The following KCTD1 variants were observed in gnomAD, a reference collection of about 807,000 sequenced individuals.
KCTD1 encodes potassium channel tetramerization domain containing 1.
In KCTD1, 24 loss-of-function variants were observed where a neutral mutation model predicts 66.0. That is an observed-to-expected ratio of 0.36 (90% CI 0.26 to 0.51). KCTD1 has a LOEUF of 0.51. KCTD1 is among the 20% of genes least tolerant of loss of function. The pLI, the probability that KCTD1 is intolerant of heterozygous loss-of-function variation, is 0.95. For missense variants in KCTD1, 943 were observed against 1,205.2 expected (o/e 0.78, Z 3.22); for synonymous variants, 511 against 517.2 (o/e 0.99, Z 0.16).
chr18:26,545,417 AG>A (rs765056540), intron 1 of KCTD1: 3 of 152,226 alleles, frequency 2.0e-5, no homozygotes, highest in Non-Finnish European at 2.9e-5. Flanking sequence ...TGTGTATTTT[AG>A]AGAACTTTGG....
chr18:26,472,694 T>G (rs8099561), intron 3 of KCTD1, among the ~76,000 whole-genome samples: 135,510 of 152,238 alleles, frequency 0.89, 60,800 homozygotes, highest in Non-Finnish European at 0.95. Context: ...CCGACGTTGG[T>G]GGCTCAGGTT....
chr18:26,469,324 C>T (rs1038381246), intron 3 of KCTD1, among the ~76,000 whole-genome samples: 29 of 152,148 alleles, frequency 1.9e-4, no homozygotes, highest in Non-Finnish European at 5.9e-5. Flanking sequence ...CTGTGCTAAT[C>T]CTAGGCAGGT....
intron 1 of KCTD1, among the ~76,000 whole-genome samples, chr18:26,626,350 T>G (rs1056379106): frequency 2.0e-5 from 3 of 151,626 alleles, no homozygotes; most frequent in African/African-American, 4.9e-5. Context: ...AATAAATAAA[T>G]AAGATAACTT....
chr18:26,502,927 T>C (rs1312124389), intron 1 of KCTD1, among the ~76,000 whole-genome samples: 1 of 152,226 alleles, frequency 6.6e-6, no homozygotes, highest in Non-Finnish European at 1.5e-5. Flanking sequence ...TTTTATGATC[T>C]GGAACAGCTT....
intron 1 of KCTD1, among the ~76,000 whole-genome samples, chr18:26,535,950 C>T (rs1460346636): frequency 1.4e-5 from 2 of 138,686 alleles, no homozygotes; most frequent in Non-Finnish European, 3.0e-5. Flanking sequence ...TTGCCTCCCC[C>T]ACAAGACTGA....
In KCTD1 at chr18:26,546,911, C is replaced by T. The variant is rs146197880; in HGVS notation, c.1626G>A (p.Gly542=). The change falls in exon 1 of 5, where the codon GGG becomes GGA. Residue 542 remains glycine, a synonymous_variant. Coordinates refer to ENST00000580059, the MANE Select transcript of KCTD1 (RefSeq NM_001142730.3). ...PKRALYESVF[G]SGEICGPTSP... is the part of the protein sequence containing the mutation. ...AAGTGGGGCCGCAGATTTCCCCCGA[C>T]CCGAACACAGACTCGTACAGGGCGC... 244 of 1,482,682 alleles carry T rather than the reference C, an allele frequency of 1.6e-4. 3 individuals carry two copies. In the East Asian group the frequency reaches 5.9e-3, roughly 36 times the overall value. 91.8% of individuals were successfully genotyped at this position (1,482,682 alleles called of 1,614,324 possible).
chr18:26,554,365 G>A (rs1422211424), intron 1 of KCTD1, among the ~76,000 whole-genome samples: 1 of 150,550 alleles, frequency 6.6e-6, no homozygotes, highest in Admixed American at 6.6e-5. Flanking sequence ...ATAGTACTTT[G>A]CCAAGGTCTT....
Position 26,637,472 on chromosome 18 carries a change from T to C in KCTD1, c.-107+2839A>G, listed in dbSNP as rs567321289. Among the ~76,000 whole-genome samples, 86 of 152,264 alleles carry C rather than the reference T, an allele frequency of 5.6e-4. 1 individual carries two copies. The highest frequency in any genetic ancestry group is 1.0e-3 in the Non-Finnish European group (69 of 68,012). ...TGGGTGTGTGGGCAGAAATGTGAAA[T>C]GTGTTAAGGCTTCTATTATGGGGTC... On this transcript the variant is annotated intron_variant, in intron 1 of 5. Transcript: ENST00000579973.
At chr18:26,513,400 A>G (rs1358693362) in intron 1 of KCTD1, among the ~76,000 whole-genome samples, 2 of 151,946 alleles carry the variant, frequency 1.3e-5, no homozygotes, top group African/African-American at 4.8e-5. Flanking sequence ...AGGGTGTATT[A>G]TTTTTAAATA....
chr18:26,507,071 C>T lies in KCTD1; in HGVS notation c.1810-5821G>A, dbSNP rs191648806. Among the ~76,000 whole-genome samples the T allele has an allele frequency of 4.1e-4, 62 of 152,232 alleles. 1 individual carries two copies. The East Asian group carries it at 0.01, about 25-fold the overall frequency. On this transcript the variant is annotated intron_variant, in intron 1 of 4. Coordinates refer to ENST00000580059, the MANE Select transcript of KCTD1 (RefSeq NM_001142730.3). ...ATCCCAGCTACTCGGGAGGCGGAGG[C>T]AGGAGAATCGCTTGAACCTGGGAGG...
intron 1 of KCTD1, among the ~76,000 whole-genome samples, chr18:26,514,522 C>T (rs964955084): frequency 1.4e-5 from 2 of 147,602 alleles, no homozygotes; most frequent in South Asian, 2.2e-4. Flanking sequence ...TGCATCCTAG[C>T]CCAGGCAACA....
At chr18:26,654,260 C>G (rs1005929783) in intron 1 of KCTD1, among the ~76,000 whole-genome samples, 1 of 152,084 alleles carries the variant, frequency 6.6e-6, no homozygotes, top group South Asian at 2.1e-4. Flanking sequence ...TAATTTGATG[C>G]CAAAAGGTCC....
intron 1 of KCTD1, among the ~76,000 whole-genome samples, chr18:26,521,068 A>G (rs1203632045): frequency 6.6e-6 from 1 of 152,206 alleles, no homozygotes. Context: ...ACCAGAAGGC[A>G]AAGCTGCTGG....
At chr18:26,568,006 A>G (rs1986022136) in intron 1 of KCTD1, among the ~76,000 whole-genome samples, 1 of 152,220 alleles carries the variant, frequency 6.6e-6, no homozygotes, top group Non-Finnish European at 1.5e-5. Context: ...AAACATTTGT[A>G]GGATTTTAAG....
At chr18:26,472,492 C>T (rs554707876) in intron 3 of KCTD1, among the ~76,000 whole-genome samples, 1 of 152,298 alleles carries the variant, frequency 6.6e-6, no homozygotes, top group South Asian at 2.1e-4. Context: ...AAAATTCATA[C>T]TAAAGCATAC....
chr18:26,582,757 G>A (rs1006359032), intron 1 of KCTD1, among the ~76,000 whole-genome samples: 2 of 151,538 alleles, frequency 1.3e-5, no homozygotes, highest in Non-Finnish European at 2.9e-5. Flanking sequence ...TCCAACATAC[G>A]TTAAGTATGA....
intron 1 of KCTD1, among the ~76,000 whole-genome samples, chr18:26,611,528 T>C (rs1004326353): frequency 6.6e-6 from 1 of 152,144 alleles, no homozygotes; most frequent in African/African-American, 2.4e-5. Flanking sequence ...TTTTTATATT[T>C]TTAGTAGAGG....
At chr18:26,608,125 C>T (rs1340032434) in intron 1 of KCTD1, among the ~76,000 whole-genome samples, 1 of 152,178 alleles carries the variant, frequency 6.6e-6, no homozygotes, top group Non-Finnish European at 1.5e-5. Flanking sequence ...ACATTCACCA[C>T]TACTCTTGTA....
intron 4 of KCTD1, 179 bp downstream of exon 4, chr18:26,459,440 TG>T: frequency 1.6e-6 from 1 of 612,678 alleles, no homozygotes; most frequent in Non-Finnish European, 2.8e-6. Flanking sequence ...TCCCAGCACC[TG>T]GCACAATCAC....
Sources: allele counts gnomAD v4.1 joint callset (sites outside exome capture counted in the v4.1 genomes callset), GRCh38; gene constraint gnomAD v4.1.1; transcripts MANE v1.5; gene names NCBI Gene and HGNC (gene_info 2026-07-23, HGNC 2026-07-21).